ACACA: variants seen among roughly 807,000 people sequenced by gnomAD.
The protein encoded by ACACA is acetyl-CoA carboxylase 1.
In ACACA, 103 loss-of-function variants were observed where a neutral mutation model predicts 296.1. The observed-to-expected ratio is 0.35, with a 90% CI of 0.30 to 0.41. ACACA has a LOEUF of 0.41. Ranked by LOEUF, ACACA falls within the 10% of genes least tolerant of loss-of-function variation. The probability of loss-of-function intolerance (pLI) is 1.00; values close to 1 mark genes in which losing one functional copy is unlikely to be tolerated. For synonymous variants in ACACA, 953 were observed against 1,038.6 expected (o/e 0.92, Z 1.58); for missense variants, 1,554 against 2,989.7 (o/e 0.52, Z 11.20).
chr17:37,151,658 G>T (rs963300241), intron 43 of ACACA, among the ~76,000 whole-genome samples: 1 of 151,888 alleles, frequency 6.6e-6, no homozygotes, highest in African/African-American at 2.4e-5. Context: ...GAATTAAGCA[G>T]ATAGCCTTTT....
At chr17:37,311,492 T>C (rs1347465920) in intron 3 of ACACA, among the ~76,000 whole-genome samples, 1 of 147,980 alleles carries the variant, frequency 6.8e-6, no homozygotes, top group Non-Finnish European at 1.5e-5. Context: ...CAGATAAAAG[T>C]AAGTTTGAAA....
chr17:37,376,664 G>T (rs1329224703), intron 1 of ACACA, among the ~76,000 whole-genome samples: 2 of 152,078 alleles, frequency 1.3e-5, no homozygotes, highest in Admixed American at 1.3e-4. Context: ...TCTAAAATTA[G>T]CTAATCAAGG....
chr17:37,339,760 A>C, intron 2 of ACACA, 44 bp downstream of exon 2: 1 of 1,226,468 alleles, frequency 8.2e-7, no homozygotes, highest in Non-Finnish European at 1.2e-6. Context: ...ACATGAACAA[A>C]ATTTTTATCA....
At chr17:37,203,094 T>G (rs2078342003) in intron 33 of ACACA, among the ~76,000 whole-genome samples, 2 of 152,018 alleles carry the variant, frequency 1.3e-5, no homozygotes, top group South Asian at 4.1e-4. Context: ...CCCGAGTAGC[T>G]GGCGCTACAG....
At chr17:37,276,242 T>C (rs1050846705) in intron 7 of ACACA, among the ~76,000 whole-genome samples, 193 bp from the exon 8 acceptor site, 4 of 152,186 alleles carry the variant, frequency 2.6e-5, no homozygotes, top group Non-Finnish European at 5.9e-5. Flanking sequence ...AAACCTAATG[T>C]AGTAAGCTTT....
At position 37,247,761 on chromosome 17, in the gene ACACA, A is replaced by G. The variant is rs984304089; in HGVS notation, c.2309+250T>C. 12 of 563,300 alleles carry G rather than the reference A, an allele frequency of 2.1e-5. No individual in the cohort carries two copies. The Admixed American group carries it at 2.2e-4, about 10-fold the overall frequency. The allele number at this position is 563,300 out of a possible 1,614,324, so 34.9% of individuals were successfully genotyped here. A position where few individuals can be genotyped will look rare whatever the true frequency, so the allele number is the denominator to read the frequency against. ...CTACTCAAATATGTAAGAAACTTTTAACAATGGTTACTTATAAAAAGGGGA... is the reference window on the plus strand; with the variant it reads ...CTACTCAAATATGTAAGAAACTTTTGACAATGGTTACTTATAAAAAGGGGA... On this transcript the variant is annotated intron_variant, in intron 18 of 55. Transcript: ENST00000616317.
rs67134735 is a variant in ACACA at position 37,215,329 on chromosome 17, C to CA, written c.3684-4840dup. Among the ~76,000 whole-genome samples the CA allele has an allele frequency of 9.7e-3, 1,478 of 152,202 alleles. 22 individuals carry two copies. The highest frequency in any genetic ancestry group is 0.034 in the African/African-American group (1,406 of 41,516). On this transcript the variant is annotated intron_variant, in intron 29 of 55. Coordinates refer to ENST00000616317, the MANE Select transcript of ACACA (RefSeq NM_198834.3). ...ATTATATATGTACAGAAACGTACAACAAAGTACACCTCCATCTCCTGCATC... is the reference window on the plus strand; with the variant it reads ...ATTATATATGTACAGAAACGTACAACAAAAGTACACCTCCATCTCCTGCATC...
chr17:37,289,542 A>G (rs1391334520), intron 3 of ACACA: 2 of 1,335,074 alleles, frequency 1.5e-6, no homozygotes, highest in Admixed American at 3.8e-5. Context: ...AGGATACAAA[A>G]ATGTCAATCA....
intron 39 of ACACA, among the ~76,000 whole-genome samples, chr17:37,186,675 G>A (rs927594048): frequency 8.5e-5 from 13 of 152,136 alleles, no homozygotes; most frequent in Non-Finnish European, 1.5e-4. Flanking sequence ...GTCTGTAGAA[G>A]ACCTCTTCCT....
intron 25 of ACACA, among the ~76,000 whole-genome samples, chr17:37,233,614 C>CCCT (rs1053834296): frequency 1.3e-5 from 2 of 152,176 alleles, no homozygotes; most frequent in African/African-American, 4.8e-5. Flanking sequence ...GATTCTCCTA[C>CCCT]CCTCCTCATC....
At chr17:37,130,029 T>C (rs1325990412) in intron 46 of ACACA, 46 bp downstream of exon 46, 3 of 1,612,262 alleles carry the variant, frequency 1.9e-6, no homozygotes, top group Non-Finnish European at 8.5e-7. Context: ...GTGGTGGAAA[T>C]GACAGGCTCT....
chr17:37,247,051 C>T (rs902180747), intron 18 of ACACA, 75 bp from the exon 19 acceptor site: 16 of 1,561,920 alleles, frequency 1.0e-5, no homozygotes, highest in Non-Finnish European at 1.4e-5. Context: ...GAATGTCAAC[C>T]TTCAAAGAAA....
intron 39 of ACACA, among the ~76,000 whole-genome samples, chr17:37,186,849 C>G (rs1031528504): frequency 3.3e-5 from 5 of 151,178 alleles, no homozygotes; most frequent in African/African-American, 1.2e-4. Context: ...CCTGTGTCAC[C>G]ATTAGCTAGC....
At chr17:37,107,639 C>T (rs914648808) in intron 52 of ACACA, among the ~76,000 whole-genome samples, 4 of 152,210 alleles carry the variant, frequency 2.6e-5, no homozygotes, top group African/African-American at 7.2e-5. Flanking sequence ...TCTGTGTGGG[C>T]GCAGTGCGGT....
At chr17:37,378,861 A>G (rs1376523144) in intron 1 of ACACA, among the ~76,000 whole-genome samples, 1 of 152,140 alleles carries the variant, frequency 6.6e-6, no homozygotes, top group African/African-American at 2.4e-5. Flanking sequence ...CAGGAGTTCG[A>G]GACCAGCTTG....
intron 2 of ACACA, among the ~76,000 whole-genome samples, chr17:37,335,611 A>T (rs961027614): frequency 2.6e-5 from 4 of 152,224 alleles, no homozygotes; most frequent in African/African-American, 9.6e-5. Flanking sequence ...TAAGCCCCGC[A>T]ACAAAAGAGT....
chr17:37,227,582 T>C (rs1443115712), intron 25 of ACACA, among the ~76,000 whole-genome samples: 1 of 151,856 alleles, frequency 6.6e-6, no homozygotes, highest in Non-Finnish European at 1.5e-5. Context: ...AACAAAAAAT[T>C]TTTAGGCCGG....
At chr17:37,148,220 A>G (rs978516526) in intron 45 of ACACA, among the ~76,000 whole-genome samples, 3 of 151,788 alleles carry the variant, frequency 2.0e-5, no homozygotes, top group African/African-American at 7.3e-5. Context: ...AGGTATCCAA[A>G]AGAGCAACTT....
At chr17:37,114,375 C>T (rs1340999498) in intron 50 of ACACA, among the ~76,000 whole-genome samples, 5 of 151,278 alleles carry the variant, frequency 3.3e-5, no homozygotes, top group Admixed American at 3.3e-4. Flanking sequence ...TCTACAAAAA[C>T]CAAAAAAATT....
Sources: gnomAD v4.1 joint callset for allele counts (sites outside exome capture counted in the v4.1 genomes callset) on GRCh38, gnomAD v4.1.1 for gene constraint, MANE v1.5 for transcripts, NCBI Gene and HGNC (gene_info 2026-07-23, HGNC 2026-07-21) for gene names.